METTL14: variants seen among roughly 807,000 people sequenced by gnomAD.
The protein encoded by METTL14 is N(6)-adenosine-methyltransferase non-catalytic subunit METTL14.
In METTL14, 32 loss-of-function variants were observed where a neutral mutation model predicts 62.4. The ratio of observed to expected loss-of-function variants is 0.51; its 90% CI spans 0.39 to 0.69. The LOEUF (loss-of-function observed/expected upper bound fraction) is 0.69, where lower values mean the gene tolerates loss of function less well. Ranked by LOEUF, METTL14 falls within the 30% of genes least tolerant of loss-of-function variation. METTL14 has a pLI of 0.00. For missense variants in METTL14, 340 were observed against 551.9 expected (o/e 0.62, Z 3.85); for synonymous variants, 150 against 180.0 (o/e 0.83, Z 1.34).
At chr4:118,698,515 A>G (rs1345480085) in intron 7 of METTL14, among the ~76,000 whole-genome samples, 1 of 151,478 alleles carries the variant, frequency 6.6e-6, no homozygotes, top group Non-Finnish European at 1.5e-5. Context: ...ACTCTTTCTT[A>G]GAGTAACCTA....
Position 118,710,153 on chromosome 4 carries a change from C to T in METTL14, c.1222C>T (p.Arg408Ter), listed in dbSNP as rs774796559. The part of the protein sequence containing the change: ...KSPPPKSKSD[R>*]GGGAPRGGGR... ...GCCTCCTCCCAAATCTAAATCTGAC[C>T]GAGGAGGTGGAGCTCCCAGAGGTGG... The change falls in exon 11 of 11, where the codon CGA becomes TGA. Residue 408 changes from arginine (R) to a stop codon, truncating the protein, a stop_gained. Transcript: ENST00000388822. LOFTEE classifies it high-confidence loss of function. 1.2e-6 allele frequency: 2 copies of T among 1,614,078 alleles called. No individual in the cohort carries two copies. Among genetic ancestry groups the T allele is most frequent in the Non-Finnish European group, 1.7e-6 (2 of 1,180,020 alleles).
chr4:118,701,712 C>T (rs773115303), intron 8 of METTL14, among the ~76,000 whole-genome samples: 2 of 152,046 alleles, frequency 1.3e-5, no homozygotes, highest in African/African-American at 2.4e-5. Context: ...TTATTATACA[C>T]CAAACTATCT....
chr4:118,685,657 C>A, intron 1 of METTL14, 57 bp downstream of exon 1: 2 of 1,468,834 alleles, frequency 1.4e-6, no homozygotes, highest in Non-Finnish European at 1.9e-6. Context: ...GCGCGGCCGC[C>A]TCCTCCCTCC....
At chr4:118,701,387 T>C (rs2110406344) in intron 8 of METTL14, among the ~76,000 whole-genome samples, 1 of 152,176 alleles carries the variant, frequency 6.6e-6, no homozygotes. Context: ...GGTCTTGTTA[T>C]GTTGCCCAGG....
chr4:118,698,452 CAAAAAAAA>C (rs70941202), intron 7 of METTL14, among the ~76,000 whole-genome samples: 2 of 76,658 alleles, frequency 2.6e-5, no homozygotes, highest in Non-Finnish European at 4.8e-5. Context: ...GACTCTGTCT[CAAAAAAAA>C]AAAAAAAAAA....
chr4:118,687,346 T>C (rs1013222784), intron 1 of METTL14, among the ~76,000 whole-genome samples: 1 of 152,228 alleles, frequency 6.6e-6, no homozygotes, highest in East Asian at 1.9e-4. Flanking sequence ...TGGAGCGTTT[T>C]GGATTTTGGA....
chr4:118,709,851 A>G (rs1353135308), intron 10 of METTL14, 147 bp from the exon 11 acceptor site: 2 of 745,004 alleles, frequency 2.7e-6, no homozygotes, highest in East Asian at 2.7e-5. Flanking sequence ...CATGACCACA[A>G]TTAAGTGCCA....
chr4:118,689,264 G>T, intron 2 of METTL14, 106 bp from the exon 3 acceptor site: 1 of 545,364 alleles, frequency 1.8e-6, no homozygotes, highest in Non-Finnish European at 3.2e-6. Flanking sequence ...TCTTTAATCA[G>T]GAAAAATTTG....
rs1724188836 is a variant in METTL14 at position 118,689,769 on chromosome 4, A to G, written c.243+312A>G. 2.0e-5 allele frequency among the ~76,000 whole-genome samples: 3 copies of G among 150,564 alleles called. 1 individual carries two copies. The highest frequency in any genetic ancestry group is 7.3e-5 in the African/African-American group (3 of 40,934). On this transcript the variant is annotated intron_variant, in intron 3 of 10. Coordinates refer to ENST00000388822, the MANE Select transcript of METTL14 (RefSeq NM_020961.4). ...AGGGATTCTTCTGCCTCAGCCTCCC[A>G]AGTAGCTGGGACTTGGTGCACCACC...
intron 10 of METTL14, among the ~76,000 whole-genome samples, chr4:118,708,466 G>A (rs1362807123): frequency 6.6e-6 from 1 of 152,184 alleles, no homozygotes; most frequent in East Asian, 1.9e-4. Context: ...GTCAGTGAGA[G>A]CCCATAGGTG....
At chr4:118,688,283 A>G (rs1301770545) in intron 2 of METTL14, among the ~76,000 whole-genome samples, 2 of 152,154 alleles carry the variant, frequency 1.3e-5, no homozygotes, top group East Asian at 1.9e-4. Context: ...CTAAAAATAC[A>G]AAAATTAGCC....
At chr4:118,694,597 C>A (rs1402556693) in intron 6 of METTL14, 71 bp downstream of exon 6, 2 of 1,118,334 alleles carry the variant, frequency 1.8e-6, no homozygotes, top group Non-Finnish European at 2.7e-6. Flanking sequence ...TATCCTATAA[C>A]CTTTTTTCTT....
At chr4:118,697,886 T>A (rs1724462765) in intron 7 of METTL14, among the ~76,000 whole-genome samples, 1 of 151,722 alleles carries the variant, frequency 6.6e-6, no homozygotes, top group African/African-American at 2.4e-5. Flanking sequence ...ATAAATAGAT[T>A]AGTTGGAATT....
rs566795196 is a variant in METTL14 at position 118,705,449 on chromosome 4, G to C, written c.856-162G>C. 9.2e-5 allele frequency among the ~76,000 whole-genome samples: 14 copies of C among 152,316 alleles called. No homozygotes were observed. In the South Asian group the frequency reaches 2.5e-3, roughly 27 times the overall value. On this transcript the variant is annotated intron_variant, in intron 9 of 10. Transcript: ENST00000388822. ...AGATCGTGCTACTGTACTCCAGCCT[G>C]GGTGACAGAGCGAGACCCAGTCTCA... is the stretch of plus-strand genomic sequence containing the variant.
chr4:118,703,583 T>G (rs939419027), intron 8 of METTL14, among the ~76,000 whole-genome samples: 3 of 152,210 alleles, frequency 2.0e-5, no homozygotes. Flanking sequence ...AAATTGTGTT[T>G]TGGATTGTTT....
Position 118,693,526 on chromosome 4 carries a change from C to G in METTL14, c.413-910C>G, listed in dbSNP as rs1012553434. On this transcript the variant is annotated intron_variant, in intron 5 of 10. Transcript: ENST00000388822. Reference sequence around the variant, plus strand: ...ACAAACATTCTATTTTTGATATAATCAAATTTAGTTTTTCCTTTGTTACTT... The same window carrying G: ...ACAAACATTCTATTTTTGATATAATGAAATTTAGTTTTTCCTTTGTTACTT... 4.6e-5 allele frequency among the ~76,000 whole-genome samples: 7 copies of G among 152,116 alleles called. No individual in the cohort carries two copies. In the South Asian group the frequency reaches 1.5e-3, roughly 32 times the overall value.
Position 118,688,007 on chromosome 4 carries a change from T to C in METTL14, c.151T>C (p.Cys51Arg). The change falls in exon 2 of 11, where the codon TGC (cysteine) becomes CGC (arginine). Residue 51 changes from cysteine (C) to arginine (R), a missense_variant. Physicochemically the swap from Cys to Arg is radical, Grantham distance 180 (BLOSUM62 -3). This residue lies in a region of METTL14 where 111 missense variants were observed against 116.6 expected (regional missense o/e 0.95). Transcript: ENST00000388822. ...QREIAETRET[C>R]RASYDTSAPN... ...AGAAATTGCTGAAACAAGAGAAACT[T>C]GCAGGTCAGTCAGATAATTCTTTTT... The C allele has an allele frequency of 6.2e-7, 1 of 1,602,564 alleles. No individual in the cohort carries two copies. Among genetic ancestry groups the C allele is most frequent in the Non-Finnish European group, 8.5e-7 (1 of 1,171,530 alleles).
chr4:118,685,598 C>T lies in METTL14; in HGVS notation c.64C>T (p.Gln22Ter). The change falls in exon 1 of 11, where the codon CAG becomes TAG. Residue 22 changes from glutamine (Q) to a stop codon, truncating the protein, a stop_gained and splice_region_variant. Coordinates refer to ENST00000388822, the MANE Select transcript of METTL14 (RefSeq NM_020961.4). LOFTEE classifies it high-confidence loss of function. ...QKLRRQLLAQ[Q>*]LGAESADSIG... is the part of the protein sequence containing the mutation. ...GTTACGGCGACAGCTCCTCGCGCAG[C>T]AGGTCCGCGGCCCTGGTGTCCCCTG... The T allele has an allele frequency of 1.2e-6, 2 of 1,614,004 alleles. No homozygotes were observed. Among genetic ancestry groups the T allele is most frequent in the Non-Finnish European group, 1.7e-6 (2 of 1,179,942 alleles).
Position 118,689,411 on chromosome 4 carries a change from A to G in METTL14, c.197A>G (p.Tyr66Cys). 5.6e-6 allele frequency: 9 copies of G among 1,607,146 alleles called. No individual in the cohort carries two copies. The highest frequency in any genetic ancestry group is 6.8e-6 in the Non-Finnish European group (8 of 1,177,000). Residue 66 changes from tyrosine (Y) to cysteine (C), a missense_variant, in exon 3 of 11, where the codon TAT (tyrosine) becomes TGT (cysteine). Tyr to Cys is a radical substitution (Grantham distance 194). This residue lies in a region of METTL14 where 111 missense variants were observed against 116.6 expected (regional missense o/e 0.95). Coordinates refer to ENST00000388822, the MANE Select transcript of METTL14 (RefSeq NM_020961.4). ...TCTGCTCCAAATGCAAAACGTAAGTATCTGGATGAAGGAGAGACAGATGAA... is the reference window on the plus strand; with the variant it reads ...TCTGCTCCAAATGCAAAACGTAAGTGTCTGGATGAAGGAGAGACAGATGAA... Reference protein sequence around the residue: ...DTSAPNAKRKYLDEGETDEDK... With the variant: ...DTSAPNAKRKCLDEGETDEDK...
Sources: gnomAD v4.1 joint callset for allele counts (sites outside exome capture counted in the v4.1 genomes callset) on GRCh38, gnomAD v4.1.1 for gene constraint, gnomAD v4.1.1 regional missense constraint, MANE v1.5 for transcripts, NCBI Gene and HGNC (gene_info 2026-07-23, HGNC 2026-07-21) for gene names.